The following PTPRK variants were observed in gnomAD, a reference collection of about 807,000 sequenced individuals.
PTPRK encodes the protein protein tyrosine phosphatase receptor type K, also known as receptor-type tyrosine-protein phosphatase kappa.
A neutral mutation model predicts 178.0 loss-of-function variants in PTPRK; 75 were observed. The observed-to-expected ratio is 0.42, with a 90% CI of 0.35 to 0.51. The LOEUF (loss-of-function observed/expected upper bound fraction) is 0.51, where lower values mean the gene tolerates loss of function less well. Ranked by LOEUF, PTPRK falls within the 20% of genes least tolerant of loss-of-function variation. The pLI, the probability that PTPRK is intolerant of heterozygous loss-of-function variation, is 0.02. For missense variants in PTPRK, 1,441 were observed against 1,797.8 expected, an observed-to-expected ratio of 0.80 and a Z score of 3.59; for synonymous variants, 637 against 620.6, an observed-to-expected ratio of 1.03 and a Z score of -0.39.
chr6:128,090,796 T>C (rs1056431075), intron 7 of PTPRK, among the ~76,000 whole-genome samples: 3 of 152,188 alleles, frequency 2.0e-5, no homozygotes, highest in Admixed American at 1.3e-4. Context: ...GTAACTACTC[T>C]ATGAAACTCA....
chr6:128,220,771 T>G (rs1488546741), intron 5 of PTPRK, among the ~76,000 whole-genome samples: 1 of 152,186 alleles, frequency 6.6e-6, no homozygotes, highest in Non-Finnish European at 1.5e-5. Flanking sequence ...AGCAAATAAA[T>G]AAACTGAATT....
At chr6:128,415,888 A>G (rs1842795618) in intron 1 of PTPRK, among the ~76,000 whole-genome samples, 1 of 152,170 alleles carries the variant, frequency 6.6e-6, no homozygotes, top group South Asian at 2.1e-4. Flanking sequence ...TACGATAAAA[A>G]TGGTGGTTGT....
intron 2 of PTPRK, among the ~76,000 whole-genome samples, chr6:128,339,738 C>T (rs545943111): frequency 1.3e-5 from 2 of 152,076 alleles, no homozygotes; most frequent in Non-Finnish European, 2.9e-5. Context: ...AACAAGTAAG[C>T]TCATGGTGAC....
At chr6:128,297,176 T>A (rs1263890886) in intron 3 of PTPRK, among the ~76,000 whole-genome samples, 1 of 152,088 alleles carries the variant, frequency 6.6e-6, no homozygotes, top group East Asian at 1.9e-4. Context: ...AAGAGCTAAC[T>A]ATCCTAAATA....
chr6:128,150,517 C>T (rs1308428961), intron 7 of PTPRK, among the ~76,000 whole-genome samples: 3 of 152,148 alleles, frequency 2.0e-5, no homozygotes, highest in African/African-American at 4.8e-5. Context: ...ATTTCCCTCC[C>T]CGGCCTTCCC....
chr6:128,072,279 A>T, intron 11 of PTPRK, among the ~76,000 whole-genome samples: 1 of 152,108 alleles, frequency 6.6e-6, no homozygotes, highest in East Asian at 1.9e-4. Context: ...TTACTACATT[A>T]TATGGAGGTT....
intron 13 of PTPRK, among the ~76,000 whole-genome samples, chr6:128,055,288 T>C (rs577762306): frequency 1.5e-4 from 23 of 152,054 alleles, no homozygotes; most frequent in Admixed American, 8.5e-4. Context: ...ACTAAAATAA[T>C]AGCAAAAATT....
chr6:128,454,787 T>G (rs776403378), intron 1 of PTPRK, among the ~76,000 whole-genome samples: 1 of 152,154 alleles, frequency 6.6e-6, no homozygotes, highest in African/African-American at 2.4e-5. Context: ...ATATTTCTTG[T>G]AATGTGGGTC....
intron 7 of PTPRK, among the ~76,000 whole-genome samples, chr6:128,130,084 G>T (rs1210492284): frequency 1.3e-5 from 2 of 152,250 alleles, no homozygotes; most frequent in African/African-American, 4.8e-5. Context: ...TTTTCTCTAA[G>T]TCATAGAATG....
intron 2 of PTPRK, among the ~76,000 whole-genome samples, chr6:128,387,858 G>A (rs558270461): frequency 1.3e-5 from 2 of 151,900 alleles, no homozygotes; most frequent in South Asian, 2.1e-4. Context: ...GCTGAATAAC[G>A]CATTAGAGCA....
chr6:128,511,142 C>A (rs1167700591), intron 1 of PTPRK, among the ~76,000 whole-genome samples: 1 of 152,104 alleles, frequency 6.6e-6, no homozygotes, highest in Non-Finnish European at 1.5e-5. Flanking sequence ...AATAAATAAA[C>A]ACTCTCAGAT....
chr6:128,214,533 A>G (rs1808862564), intron 6 of PTPRK, among the ~76,000 whole-genome samples: 1 of 151,560 alleles, frequency 6.6e-6, no homozygotes, highest in East Asian at 1.9e-4. Context: ...TTTATCCAAT[A>G]ACCAGTGATG....
At chr6:128,117,634 T>C (rs1791762655) in intron 7 of PTPRK, among the ~76,000 whole-genome samples, 1 of 152,154 alleles carries the variant, frequency 6.6e-6, no homozygotes, top group Non-Finnish European at 1.5e-5. Context: ...CAACCTAGTT[T>C]TCAGGATATA....
chr6:128,143,030 G>A (rs149189666), intron 7 of PTPRK, among the ~76,000 whole-genome samples: 1 of 152,134 alleles, frequency 6.6e-6, no homozygotes, highest in African/African-American at 2.4e-5. Context: ...TAAAGGAATT[G>A]AAATATTCAA....
At chr6:128,193,427 G>T (rs1209003330) in intron 6 of PTPRK, among the ~76,000 whole-genome samples, 1 of 151,262 alleles carries the variant, frequency 6.6e-6, no homozygotes, top group Non-Finnish European at 1.5e-5. Flanking sequence ...AAACTAATTC[G>T]AATACACAAG....
chr6:128,281,361 T>C (rs1320445044), intron 3 of PTPRK, among the ~76,000 whole-genome samples: 1 of 152,202 alleles, frequency 6.6e-6, no homozygotes, highest in Non-Finnish European at 1.5e-5. Context: ...ATCTTACGCA[T>C]ATTTTAGGAA....
chr6:128,447,681 A>G (rs1456817016), intron 1 of PTPRK, among the ~76,000 whole-genome samples: 1 of 150,976 alleles, frequency 6.6e-6, no homozygotes, highest in East Asian at 2.0e-4. Flanking sequence ...CTGGAGTGCA[A>G]TGGCACGATC....
intron 6 of PTPRK, among the ~76,000 whole-genome samples, chr6:128,187,022 C>G (rs2114706187): frequency 6.6e-6 from 1 of 152,088 alleles, no homozygotes; most frequent in Middle Eastern, 3.4e-3. Flanking sequence ...GGGTGCTACC[C>G]CAGTGTAGGG....
chr6:128,359,108 T>C (rs1047010238), intron 2 of PTPRK, among the ~76,000 whole-genome samples: 2 of 152,224 alleles, frequency 1.3e-5, no homozygotes, highest in Non-Finnish European at 2.9e-5. Flanking sequence ...AAATGTAGCA[T>C]AGGATCTCAC....
Sources: allele counts gnomAD v4.1 joint callset (sites outside exome capture counted in the v4.1 genomes callset), GRCh38; gene constraint gnomAD v4.1.1; transcripts MANE v1.5; gene names NCBI Gene and HGNC (gene_info 2026-07-23, HGNC 2026-07-21).